KLRG1: variants seen among roughly 807,000 people sequenced by gnomAD.
KLRG1 encodes the protein killer cell lectin like receptor G1.
A neutral mutation model predicts 21.8 loss-of-function variants in KLRG1; 16 were observed. The observed-to-expected ratio is 0.73, with a 90% CI of 0.50 to 1.11. The LOEUF is 1.11. Ranked by LOEUF, KLRG1 falls within the 50% of genes most tolerant of loss-of-function variation. The pLI is 0.00. For synonymous variants in KLRG1, 69 were observed against 75.9 expected (o/e 0.91, Z 0.47); for missense variants, 173 against 218.3 (o/e 0.79, Z 1.31).
the KLRG1 span, chr12:9,208,128 T>C: frequency 1.5e-6 from 1 of 649,804 alleles, no homozygotes; most frequent in South Asian, 1.9e-5. Flanking sequence ...AGGGATTAAC[T>C]GGAATAATTT....
chr12:8,958,586 G>A (rs1324023028), intron 1 of KLRG1, among the ~76,000 whole-genome samples: 4 of 152,146 alleles, frequency 2.6e-5, no homozygotes, highest in Non-Finnish European at 4.4e-5. Context: ...GCAAGGCATA[G>A]TGGCTCACGT....
At chr12:9,120,512 T>G in the KLRG1 span, among the ~76,000 whole-genome samples, 1 of 152,156 alleles carries the variant, frequency 6.6e-6, no homozygotes. Flanking sequence ...AGAATCAAAT[T>G]TTCTCCTTGT....
At chr12:9,033,409 C>T in the KLRG1 span, among the ~76,000 whole-genome samples, 3 of 151,820 alleles carry the variant, frequency 2.0e-5, no homozygotes, top group East Asian at 1.9e-4. Context: ...CATACCACTG[C>T]ACTCCAGCTA....
At chr12:8,987,104 G>A (rs1336187369), upstream of KLRG1, 2 of 152,078 alleles carry the variant, frequency 1.3e-5, no homozygotes, top group Non-Finnish European at 2.9e-5. Flanking sequence ...TGCAAGAATG[G>A]ACTAATACAC....
the KLRG1 span, chr12:9,095,005 T>C: frequency 1.3e-6 from 2 of 1,589,472 alleles, no homozygotes; most frequent in African/African-American, 1.3e-5. Context: ...TTCAGGTCCA[T>C]GCATTTCATA....
At chr12:9,112,749 A>G in the KLRG1 span, 6 of 554,244 alleles carry the variant, frequency 1.1e-5, no homozygotes, top group African/African-American at 1.9e-5. Flanking sequence ...TCAGTAAGAG[A>G]GGTTGTAAGT....
At chr12:9,014,386 G>A (rs1284330584), downstream of KLRG1, among the ~76,000 whole-genome samples, 1 of 152,024 alleles carries the variant, frequency 6.6e-6, no homozygotes, top group African/African-American at 2.4e-5. Context: ...AACATACAAA[G>A]GAGCTCCAAT....
the KLRG1 span, chr12:9,099,606 T>G: frequency 6.2e-6 from 9 of 1,454,586 alleles, no homozygotes; most frequent in Non-Finnish European, 8.3e-6. Context: ...TAATAAACAG[T>G]AGATGTAACA....
At chr12:9,038,660 CT>C in the KLRG1 span, among the ~76,000 whole-genome samples, 1 of 152,160 alleles carries the variant, frequency 6.6e-6, no homozygotes, top group South Asian at 2.1e-4. Flanking sequence ...ACTTTTCCCT[CT>C]TCTTTGAATT....
the KLRG1 span, among the ~76,000 whole-genome samples, chr12:9,198,045 C>CATAT: frequency 7.0e-6 from 1 of 142,022 alleles, no homozygotes; most frequent in Non-Finnish European, 1.5e-5. Flanking sequence ...TATATGCAAA[C>CATAT]ATATATATAT....
chr12:9,179,003 T>G, the KLRG1 span, among the ~76,000 whole-genome samples: 1 of 152,198 alleles, frequency 6.6e-6, no homozygotes, highest in African/African-American at 2.4e-5. Flanking sequence ...AAGGTAATAA[T>G]ACCTCCCAAA....
chr12:9,029,877 C>T, the KLRG1 span, among the ~76,000 whole-genome samples: 1 of 152,140 alleles, frequency 6.6e-6, no homozygotes, highest in Non-Finnish European at 1.5e-5. Context: ...ATGCCTCGGC[C>T]TCCCGAGTAG....
At chr12:8,982,601 A>G (rs1200488645) in intron 1 of KLRG1, among the ~76,000 whole-genome samples, 3 of 151,054 alleles carry the variant, frequency 2.0e-5, no homozygotes, top group Non-Finnish European at 2.9e-5. Flanking sequence ...TTAATCTGTC[A>G]TTATATTTAA....
chr12:9,030,102 T>C, the KLRG1 span, among the ~76,000 whole-genome samples: 1 of 152,140 alleles, frequency 6.6e-6, no homozygotes, highest in Non-Finnish European at 1.5e-5. Flanking sequence ...TTTTGATCTT[T>C]AATTAATTTT....
chr12:8,955,375 A>ATTTTTTTTTTT (rs61263683), intron 1 of KLRG1, among the ~76,000 whole-genome samples: 1 of 71,300 alleles, frequency 1.4e-5, no homozygotes, highest in Non-Finnish European at 2.6e-5. Context: ...TATTGCTCTG[A>ATTTTTTTTTTT]TTTTTTTTTT....
At chr12:9,135,496 G>A in the KLRG1 span, 1 of 360,132 alleles carries the variant, frequency 2.8e-6, no homozygotes. Context: ...AAACAGCACC[G>A]ACATACAAAT....
At chr12:9,074,114 TA>T in the KLRG1 span, among the ~76,000 whole-genome samples, 3 of 136,652 alleles carry the variant, frequency 2.2e-5, no homozygotes, top group African/African-American at 2.7e-5. Context: ...AAAAGGTGAA[TA>T]GGGGAAGCAC....
At chr12:9,153,204 A>AT in the KLRG1 span, 1 of 1,614,190 alleles carries the variant, frequency 6.2e-7, no homozygotes, top group Non-Finnish European at 8.5e-7. Context: ...CTGCTGCAGT[A>AT]ATAGGAGGTT....
At chr12:9,115,914 G>GCAC in the KLRG1 span, 19 of 1,371,286 alleles carry the variant, frequency 1.4e-5, no homozygotes, top group Non-Finnish European at 1.9e-5. Context: ...CAATCCATCT[G>GCAC]GTCCCAAACA....
Sources: gnomAD v4.1 joint callset for allele counts (sites outside exome capture counted in the v4.1 genomes callset) on GRCh38, gnomAD v4.1.1 for gene constraint, MANE v1.5 for transcripts, NCBI Gene and HGNC (gene_info 2026-07-23, HGNC 2026-07-21) for gene names.